The following RP1 variants were observed in gnomAD, a reference collection of about 807,000 sequenced individuals.
The protein encoded by RP1 is RP1 axonemal microtubule associated, also known as oxygen-regulated protein 1.
RP1 carries 16 observed loss-of-function variants against 14.8 expected under a neutral mutation model. The observed-to-expected ratio is 1.08, with a 90% CI of 0.73 to 1.65. RP1 has a LOEUF of 1.65. Among genes scored for constraint, RP1 ranks in the 40% most tolerant of loss-of-function variants. The pLI is 0.00. For missense variants in RP1, 2,631 were observed against 2,535.0 expected, an observed-to-expected ratio of 1.04 and a Z score of -0.81; for synonymous variants, 876 against 883.6, an observed-to-expected ratio of 0.99 and a Z score of 0.15.
At position 54,745,177 on chromosome 8, in the gene RP1, G is replaced by A. The variant is rs141708990; in HGVS notation, c.2808+6148G>A. Among the ~76,000 whole-genome samples the A allele has an allele frequency of 3.3e-5, 5 of 152,298 alleles. No homozygotes were observed. In the East Asian group the frequency reaches 9.6e-4, roughly 29 times the overall value. ...CATTAACCTGACTATAAACCAGATT[G>A]TGCTTAGTTATCCATTAAGTTGTCA... On this transcript the variant is annotated intron_variant, in intron 19 of 22. Coordinates refer to the RP1 transcript ENST00000636932.
intron 7 of RP1, among the ~76,000 whole-genome samples, chr8:54,670,428 T>C (rs1219131714): frequency 3.3e-5 from 5 of 149,748 alleles, no homozygotes; most frequent in Admixed American, 2.7e-4. Context: ...TATGTGTATG[T>C]ATGTATATAT....
At chr8:54,719,070 A>C (rs971478976) in intron 15 of RP1, among the ~76,000 whole-genome samples, 124 of 152,174 alleles carry the variant, frequency 8.1e-4, no homozygotes, top group African/African-American at 2.9e-3. Context: ...ATGCTGCAAC[A>C]AACTGAAGCT....
At chr8:54,783,804 G>C (rs1810249379) in intron 24 of RP1, 2 of 859,056 alleles carry the variant, frequency 2.3e-6, no homozygotes, top group Admixed American at 8.7e-5. Flanking sequence ...TTGTTCTTTT[G>C]GTATTGCATT....
At chr8:54,699,554 G>T in exon 13 of RP1, 1 of 1,379,004 alleles carries the variant, frequency 7.3e-7, no homozygotes, top group Non-Finnish European at 9.5e-7. Context: ...CTTGACAATG[G>T]CATTGTCACT....
intron 3 of RP1, among the ~76,000 whole-genome samples, chr8:54,640,959 CTTTTTTT>C (rs34975591): frequency 2.3e-5 from 3 of 128,378 alleles, no homozygotes; most frequent in Non-Finnish European, 4.9e-5. Flanking sequence ...TATAAATCTC[CTTTTTTT>C]TTTTTTTTTT....
chr8:54,595,138 T>G (rs1805111154), intron 1 of RP1, among the ~76,000 whole-genome samples: 1 of 151,850 alleles, frequency 6.6e-6, no homozygotes, highest in African/African-American at 2.4e-5. Context: ...AAACATTTTT[T>G]TTTTTTTTTG....
At chr8:54,647,899 C>T (rs899244451) in intron 3 of RP1, among the ~76,000 whole-genome samples, 1 of 152,196 alleles carries the variant, frequency 6.6e-6, no homozygotes, top group African/African-American at 2.4e-5. Context: ...CATGGTTTGG[C>T]TCTGTGTCCT....
At chr8:54,766,057 G>A (rs1809753093) in intron 22 of RP1, among the ~76,000 whole-genome samples, 1 of 152,132 alleles carries the variant, frequency 6.6e-6, no homozygotes, top group Admixed American at 6.5e-5. Context: ...GGAAAACACA[G>A]TGGAATCTCA....
rs117735777 is a variant in RP1, at chr8:54,807,292, C to T, written c.3615+23582C>T. Among the ~76,000 whole-genome samples the T allele has an allele frequency of 1.8e-4, 27 of 152,282 alleles. No homozygotes were observed. In the East Asian group the frequency reaches 5.2e-3, roughly 29 times the overall value. On this transcript the variant is annotated intron_variant, in intron 24 of 28. Transcript: ENST00000637698. ...GCAAAAAACAGAAAGAAGGGTATCGCTAGTCCTTCAAAGAACAAATTCTTT... is the reference window on the plus strand; with the variant it reads ...GCAAAAAACAGAAAGAAGGGTATCGTTAGTCCTTCAAAGAACAAATTCTTT...
chr8:54,625,261 A>G lies in RP1; in HGVS notation c.1379A>G (p.Lys460Arg). The G allele has an allele frequency of 6.2e-7, 1 of 1,614,226 alleles. No homozygotes were observed. Among genetic ancestry groups the G allele is most frequent in the Non-Finnish European group, 8.5e-7 (1 of 1,180,040 alleles). ...PTPGLRRVRQ[K>R]KSVIGSVTLV... The stretch of plus-strand genomic sequence containing the variant: ...CCTGGACTAAGAAGAGTGAGACAAA[A>G]GAAATCTGTGATTGGCAGTGTGACC... Residue 460 changes from lysine to arginine, a missense_variant, in exon 4 of 4, where the codon AAG becomes AGG. Transcript: ENST00000220676.
At chr8:54,810,002 C>T (rs541107893) in intron 24 of RP1, among the ~76,000 whole-genome samples, 7 of 152,258 alleles carry the variant, frequency 4.6e-5, no homozygotes, top group South Asian at 4.1e-4. Flanking sequence ...GGCCAATGAA[C>T]GCTTTCACCA....
At chr8:54,600,981 C>T (rs1431812512) in intron 1 of RP1, among the ~76,000 whole-genome samples, 2 of 152,066 alleles carry the variant, frequency 1.3e-5, no homozygotes, top group Non-Finnish European at 1.5e-5. Context: ...AGTGTATTTG[C>T]TTTATATATA....
At chr8:54,857,543 A>G (rs181796456) in intron 27 of RP1, among the ~76,000 whole-genome samples, 2 of 152,046 alleles carry the variant, frequency 1.3e-5, no homozygotes, top group East Asian at 3.9e-4. Context: ...ATGTAAATTT[A>G]TGAAGTTTTG....
chr8:54,633,628 A>T (rs1282343185), downstream of RP1, among the ~76,000 whole-genome samples: 1 of 151,648 alleles, frequency 6.6e-6, no homozygotes, highest in Non-Finnish European at 1.5e-5. Context: ...TTTCTTTAAA[A>T]AGCCATTAGT....
intron 8 of RP1, among the ~76,000 whole-genome samples, chr8:54,676,658 A>G (rs561214394): frequency 6.6e-6 from 1 of 152,298 alleles, no homozygotes; most frequent in South Asian, 2.1e-4. Flanking sequence ...TTAGGAACCC[A>G]TCTTTTCTAG....
upstream of RP1, among the ~76,000 whole-genome samples, chr8:54,614,997 G>A (rs1414441535): frequency 6.6e-6 from 1 of 152,146 alleles, no homozygotes; most frequent in Non-Finnish European, 1.5e-5. Flanking sequence ...TTTTGAATTT[G>A]TACTTCAATT....
At chr8:54,566,919 C>T (rs1307605806) in intron 1 of RP1, among the ~76,000 whole-genome samples, 1 of 152,116 alleles carries the variant, frequency 6.6e-6, no homozygotes, top group Non-Finnish European at 1.5e-5. Context: ...GCCCAAGGTG[C>T]GCTGTGTGGA....
chr8:54,817,696 C>T (rs1175272445), intron 24 of RP1, among the ~76,000 whole-genome samples: 1 of 152,152 alleles, frequency 6.6e-6, no homozygotes, highest in Non-Finnish European at 1.5e-5. Flanking sequence ...AATTTCCTCA[C>T]TTATGTAGGG....
At chr8:54,615,552 C>T (rs73679496), upstream of RP1, among the ~76,000 whole-genome samples, 11,041 of 152,202 alleles carry the variant, frequency 0.073, 1,261 homozygotes, top group African/African-American at 0.24. Context: ...GCTGGGTATG[C>T]AGAAGCATAA....
Sources: allele counts gnomAD v4.1 joint callset (sites outside exome capture counted in the v4.1 genomes callset), GRCh38; gene constraint gnomAD v4.1.1; transcripts MANE v1.5; gene names NCBI Gene and HGNC (gene_info 2026-07-23, HGNC 2026-07-21).